GAP43: variants seen among roughly 807,000 people sequenced by gnomAD.
GAP43 encodes neuromodulin.
In GAP43, 6 loss-of-function variants were observed where a neutral mutation model predicts 18.6. The observed-to-expected ratio is 0.32, with a 90% CI of 0.18 to 0.64. The LOEUF (loss-of-function observed/expected upper bound fraction) is 0.64, where lower values mean the gene tolerates loss of function less well. Among genes scored for constraint, GAP43 ranks in the 30% least tolerant of loss-of-function variants. The pLI is 0.78. For missense variants in GAP43, 292 were observed against 295.5 expected (o/e 0.99, Z 0.09); for synonymous variants, 115 against 111.4 (o/e 1.03, Z -0.20).
chr3:115,648,794 G>A (rs904146832), intron 1 of GAP43, among the ~76,000 whole-genome samples: 1 of 152,264 alleles, frequency 6.6e-6, no homozygotes, highest in Non-Finnish European at 1.5e-5. Flanking sequence ...AGAAAGAGCA[G>A]TTAGTAAAAG....
At chr3:115,631,931 A>G (rs1479875327) in intron 1 of GAP43, among the ~76,000 whole-genome samples, 3 of 152,074 alleles carry the variant, frequency 2.0e-5, no homozygotes, top group Non-Finnish European at 2.9e-5. Flanking sequence ...AGTAAATATT[A>G]ACCATGCTAA....
chr3:115,668,447 G>A (rs530004187), intron 1 of GAP43, among the ~76,000 whole-genome samples: 2 of 152,166 alleles, frequency 1.3e-5, no homozygotes, highest in African/African-American at 2.4e-5. Flanking sequence ...TATTTGAGAC[G>A]GAGTTTCGCT....
chr3:115,714,873 G>GCACACACA (rs111292409), intron 2 of GAP43, among the ~76,000 whole-genome samples: 6,480 of 150,430 alleles, frequency 0.043, 452 homozygotes, highest in African/African-American at 0.15. Flanking sequence ...GTGTGCGCGT[G>GCACACACA]CACACACACA....
chr3:115,698,678 G>C (rs1353092707), intron 2 of GAP43, among the ~76,000 whole-genome samples: 1 of 151,970 alleles, frequency 6.6e-6, no homozygotes, highest in Non-Finnish European at 1.5e-5. Context: ...GGGGGTGTCA[G>C]TGCTACCTGA....
At chr3:115,694,572 A>G (rs1003331064) in intron 2 of GAP43, among the ~76,000 whole-genome samples, 4 of 152,320 alleles carry the variant, frequency 2.6e-5, no homozygotes, top group Non-Finnish European at 4.4e-5. Flanking sequence ...TTTAAGCTTC[A>G]CAATGATCCT....
intron 1 of GAP43, among the ~76,000 whole-genome samples, chr3:115,667,863 A>C (rs548802581): frequency 5.3e-5 from 8 of 152,262 alleles, no homozygotes; most frequent in Non-Finnish European, 8.8e-5. Context: ...TAGCTGAGTG[A>C]TGGGGAGTTC....
chr3:115,632,271 T>C (rs1447750929), intron 1 of GAP43, among the ~76,000 whole-genome samples: 1 of 151,778 alleles, frequency 6.6e-6, no homozygotes, highest in Non-Finnish European at 1.5e-5. Flanking sequence ...GGAGAGAAAA[T>C]GCAGGGCTGG....
At chr3:115,665,396 G>C (rs1318331963) in intron 1 of GAP43, among the ~76,000 whole-genome samples, 1 of 152,094 alleles carries the variant, frequency 6.6e-6, no homozygotes, top group African/African-American at 2.4e-5. Context: ...TTTTCTATTA[G>C]TTTCCTTAAA....
At chr3:115,670,900 T>C (rs1367601803) in intron 1 of GAP43, among the ~76,000 whole-genome samples, 2 of 152,222 alleles carry the variant, frequency 1.3e-5, no homozygotes, top group Non-Finnish European at 2.9e-5. Context: ...TATATTTTGG[T>C]TTACTAAAGA....
At chr3:115,631,071 GA>G (rs1576975720) in intron 1 of GAP43, among the ~76,000 whole-genome samples, 2 of 152,306 alleles carry the variant, frequency 1.3e-5, no homozygotes, top group East Asian at 3.9e-4. Context: ...TCACAAGGTG[GA>G]TGTAGTCAAA....
At chr3:115,657,375 T>A (rs1000249108) in intron 1 of GAP43, among the ~76,000 whole-genome samples, 1 of 152,198 alleles carries the variant, frequency 6.6e-6, no homozygotes, top group Admixed American at 6.5e-5. Flanking sequence ...TACCACCAGA[T>A]GGTGAAACTG....
intron 1 of GAP43, among the ~76,000 whole-genome samples, chr3:115,643,303 GC>G (rs1708420827): frequency 6.6e-6 from 1 of 152,158 alleles, no homozygotes; most frequent in African/African-American, 2.4e-5. Context: ...ACAGACCCAT[GC>G]TCTAATCAGT....
intron 1 of GAP43, among the ~76,000 whole-genome samples, chr3:115,672,542 TTAGAAA>T (rs1461218030): frequency 1.3e-5 from 2 of 152,304 alleles, no homozygotes; most frequent in African/African-American, 2.4e-5. Context: ...AATAGAATCA[TTAGAAA>T]TACAAAAGAA....
chr3:115,625,272 T>A (rs74800604), intron 1 of GAP43, among the ~76,000 whole-genome samples: 33,879 of 147,566 alleles, frequency 0.23, 3,930 homozygotes, highest in East Asian at 0.34. Context: ...GGGGAAAAAG[T>A]CGGATAGTGG....
chr3:115,661,845 T>TTTTTTTTTTTTTTA (rs1553721649), intron 1 of GAP43, among the ~76,000 whole-genome samples: 4 of 150,008 alleles, frequency 2.7e-5, no homozygotes, highest in Admixed American at 6.7e-5. Flanking sequence ...TTTTTTTTTT[T>TTTTTTTTTTTTTTA]ACCTGGGAGC....
chr3:115,670,274 A>G lies in GAP43; in HGVS notation c.31-5739A>G, dbSNP rs182631730. On this transcript the variant is annotated intron_variant, in intron 1 of 2. Transcript: ENST00000305124. ...TGGTTTTTTGTTCTTGCAATAGTTT[A>G]CTGAGAATGATGGTTTCCAATTTCA... 3.9e-4 allele frequency among the ~76,000 whole-genome samples: 57 copies of G among 146,222 alleles called. No homozygotes were observed. The East Asian group carries it at 8.4e-3, about 22-fold the overall frequency.
At chr3:115,704,863 A>T (rs1410170182) in intron 2 of GAP43, among the ~76,000 whole-genome samples, 1 of 152,152 alleles carries the variant, frequency 6.6e-6, no homozygotes, top group Non-Finnish European at 1.5e-5. Context: ...AGGAACTGAA[A>T]TCAGATCATC....
At chr3:115,708,437 C>CT (rs1354619281) in intron 2 of GAP43, among the ~76,000 whole-genome samples, 3 of 152,188 alleles carry the variant, frequency 2.0e-5, no homozygotes, top group African/African-American at 4.8e-5. Flanking sequence ...AAAGAGCTAT[C>CT]TTTGGTCCAG....
In GAP43 at chr3:115,667,128, A is replaced by AT. The variant is rs140480230; in HGVS notation, c.31-8876dup. ...TGGTCATGCAACAACTAAAAATAAC[A>AT]TTTTTTTTTAGTATCAACTATGTGC... On this transcript the variant is annotated intron_variant, in intron 1 of 2. Transcript: ENST00000305124. 1.2e-4 allele frequency among the ~76,000 whole-genome samples: 18 copies of AT among 151,440 alleles called. No homozygotes were observed. The East Asian group carries it at 1.9e-3, about 16-fold the overall frequency.
Sources: allele counts gnomAD v4.1 joint callset (sites outside exome capture counted in the v4.1 genomes callset), GRCh38; gene constraint gnomAD v4.1.1; transcripts MANE v1.5; gene names NCBI Gene and HGNC (gene_info 2026-07-23, HGNC 2026-07-21).